The following WDR7 variants were observed in gnomAD, a reference collection of about 807,000 sequenced individuals.
WDR7 encodes the protein WD repeat-containing protein 7.
In WDR7, 46 loss-of-function variants were observed where a neutral mutation model predicts 169.4. The observed-to-expected ratio is 0.27, with a 90% CI of 0.21 to 0.35. The LOEUF is 0.35. Among genes scored for constraint, WDR7 ranks in the 10% least tolerant of loss-of-function variants. WDR7 has a pLI of 1.00. For synonymous variants in WDR7, 612 were observed against 666.8 expected, an observed-to-expected ratio of 0.92 and a Z score of 1.27; for missense variants, 1,534 against 1,859.3, an observed-to-expected ratio of 0.83 and a Z score of 3.22.
At chr18:56,863,156 AG>A (rs772286684) in intron 20 of WDR7, among the ~76,000 whole-genome samples, 119 of 151,956 alleles carry the variant, frequency 7.8e-4, no homozygotes, top group Non-Finnish European at 1.4e-3. Context: ...TTCATAACAT[AG>A]TTGTTTAGTA....
intron 25 of WDR7, among the ~76,000 whole-genome samples, chr18:56,955,480 G>C (rs1384360440): frequency 6.6e-6 from 1 of 151,886 alleles, no homozygotes; most frequent in Non-Finnish European, 1.5e-5. Flanking sequence ...ATTATTATCA[G>C]GTTTATACTT....
chr18:56,672,614 G>A lies in WDR7; in HGVS notation c.99G>A (p.Thr33=), dbSNP rs775327219. 15 of 1,613,176 alleles carry A rather than the reference G, an allele frequency of 9.3e-6. No individual in the cohort carries two copies. The African/African-American group carries it at 1.6e-4, about 17-fold the overall frequency. ...SAVLLTDDGA[T]IVTGCHDGQI... Reference sequence around the variant, plus strand: ...TACTTTTAACAGATGATGGGGCCACGATCGTAACAGGATGTCACGACGGAC... The same window carrying A: ...TACTTTTAACAGATGATGGGGCCACAATCGTAACAGGATGTCACGACGGAC... The change falls in exon 2 of 28, where the codon ACG becomes ACA. Residue 33 remains threonine, a synonymous_variant. Transcript: ENST00000254442.
intron 26 of WDR7, among the ~76,000 whole-genome samples, chr18:56,966,811 A>G (rs991526526): frequency 1.3e-5 from 2 of 152,172 alleles, no homozygotes; most frequent in Admixed American, 1.3e-4. Context: ...AGGTATGGTC[A>G]GATGCCCAGG....
chr18:56,798,803 A>T (rs1375733253), intron 19 of WDR7, among the ~76,000 whole-genome samples: 1 of 152,212 alleles, frequency 6.6e-6, no homozygotes, highest in Non-Finnish European at 1.5e-5. Context: ...GAATATATAA[A>T]ATAGATCTTA....
At chr18:56,965,811 G>C (rs1029073510) in intron 26 of WDR7, among the ~76,000 whole-genome samples, 4 of 152,016 alleles carry the variant, frequency 2.6e-5, no homozygotes, top group South Asian at 4.1e-4. Flanking sequence ...AAACATTATA[G>C]TATAATATAG....
intron 26 of WDR7, among the ~76,000 whole-genome samples, chr18:57,005,764 G>A (rs2048048075): frequency 6.6e-6 from 1 of 152,072 alleles, no homozygotes; most frequent in Non-Finnish European, 1.5e-5. Context: ...AAGAAGAATT[G>A]TCTTGGTCCA....
intron 26 of WDR7, among the ~76,000 whole-genome samples, chr18:56,998,263 G>C (rs1250293781): frequency 6.6e-6 from 1 of 152,128 alleles, no homozygotes; most frequent in Non-Finnish European, 1.5e-5. Context: ...GGGTCTCTTG[G>C]GAGCTGTGCT....
chr18:56,874,449 A>G (rs1379918617), intron 20 of WDR7, among the ~76,000 whole-genome samples: 1 of 152,120 alleles, frequency 6.6e-6, no homozygotes, highest in African/African-American at 2.4e-5. Context: ...AAGAGAGAGA[A>G]ATGCATACTT....
At chr18:56,706,807 C>A (rs1426901453) in intron 12 of WDR7, among the ~76,000 whole-genome samples, 4 of 151,414 alleles carry the variant, frequency 2.6e-5, no homozygotes, top group Middle Eastern at 6.9e-3. Context: ...CCTGACTCAG[C>A]CTCCCGAGTA....
chr18:56,962,358 G>C, intron 25 of WDR7, 72 bp from the exon 26 acceptor site: 1 of 1,177,910 alleles, frequency 8.5e-7, no homozygotes, highest in Admixed American at 1.7e-5. Context: ...AAATGTTGCT[G>C]TCCACTTCCA....
chr18:56,798,560 C>T (rs1010711345), intron 19 of WDR7, among the ~76,000 whole-genome samples: 4 of 152,130 alleles, frequency 2.6e-5, no homozygotes, highest in Non-Finnish European at 4.4e-5. Flanking sequence ...AATAATTAAA[C>T]GTGAAATTTG....
intron 1 of WDR7, among the ~76,000 whole-genome samples, chr18:56,663,786 A>T (rs1598943227): frequency 6.6e-6 from 1 of 151,994 alleles, no homozygotes; most frequent in East Asian, 1.9e-4. Flanking sequence ...TATATTTGAG[A>T]TTTTTCATAA....
chr18:56,765,031 A>T, intron 16 of WDR7, among the ~76,000 whole-genome samples: 1 of 152,074 alleles, frequency 6.6e-6, no homozygotes, highest in Non-Finnish European at 1.5e-5. Flanking sequence ...TTTGCTTTGA[A>T]ATTTACTTTG....
In WDR7 at chr18:56,825,326, CT is replaced by C. The variant is rs1599077048; in HGVS notation, c.3304+9185del. On this transcript the variant is annotated intron_variant, in intron 20 of 27. Transcript: ENST00000254442. ...GCAAATAAATAGTAATTAACACCAT[CT>C]TTGCAAACTTATGTAAAAGAACACA... 2.0e-5 allele frequency among the ~76,000 whole-genome samples: 3 copies of C among 152,192 alleles called. No homozygotes were observed. In the East Asian group the frequency reaches 5.8e-4, roughly 29 times the overall value.
intron 20 of WDR7, among the ~76,000 whole-genome samples, chr18:56,851,103 A>ATAAAATATAAATAC (rs59101095): frequency 0.036 from 5,490 of 152,174 alleles, 357 homozygotes; most frequent in African/African-American, 0.13. Flanking sequence ...AATGATCTCT[A>ATAAAATATAAATAC]TAAAATATAA....
intron 25 of WDR7, among the ~76,000 whole-genome samples, chr18:56,953,528 C>G (rs2145744830): frequency 6.6e-6 from 1 of 152,328 alleles, no homozygotes; most frequent in East Asian, 1.9e-4. Context: ...CCAATTCATT[C>G]AATTCTTCGT....
intron 20 of WDR7, among the ~76,000 whole-genome samples, chr18:56,867,117 T>G (rs1267574295): frequency 6.6e-6 from 1 of 152,116 alleles, no homozygotes; most frequent in Non-Finnish European, 1.5e-5. Flanking sequence ...CTCCGCCCCC[T>G]GGGCTCAAGC....
intron 16 of WDR7, among the ~76,000 whole-genome samples, chr18:56,775,273 A>T (rs1311727036): frequency 6.6e-6 from 1 of 151,916 alleles, no homozygotes; most frequent in East Asian, 1.9e-4. Flanking sequence ...AAATTATGGA[A>T]AAGTCCTAAC....
intron 21 of WDR7, among the ~76,000 whole-genome samples, chr18:56,893,308 A>G (rs2046289526): frequency 6.6e-6 from 1 of 151,994 alleles, no homozygotes; most frequent in Non-Finnish European, 1.5e-5. Flanking sequence ...CTTAATATAT[A>G]AGTGCATCAG....
Sources: allele counts gnomAD v4.1 joint callset (sites outside exome capture counted in the v4.1 genomes callset), GRCh38; gene constraint gnomAD v4.1.1; transcripts MANE v1.5; gene names NCBI Gene and HGNC (gene_info 2026-07-23, HGNC 2026-07-21).